CAMKMT: variants seen among roughly 807,000 people sequenced by gnomAD.
The protein encoded by CAMKMT is CaM KMT.
Under a neutral mutation model 48.0 loss-of-function variants are expected in CAMKMT, and 53 were observed. The ratio of observed to expected loss-of-function variants is 1.10; its 90% confidence interval spans 0.89 to 1.39. The LOEUF (loss-of-function observed/expected upper bound fraction) is 1.39, where lower values mean the gene tolerates loss of function less well. CAMKMT is among the 40% of genes most tolerant of loss of function. The pLI is 0.00. For synonymous variants in CAMKMT, 165 were observed against 152.3 expected, an observed-to-expected ratio of 1.08 and a Z score of -0.61; for missense variants, 428 against 402.7, an observed-to-expected ratio of 1.06 and a Z score of -0.54.
At chr2:44,757,900 C>T (rs928974834) in intron 9 of CAMKMT, among the ~76,000 whole-genome samples, 2 of 152,116 alleles carry the variant, frequency 1.3e-5, no homozygotes, top group African/African-American at 2.4e-5. Context: ...AAGCATTTTC[C>T]TGGAGAAATG....
chr2:44,383,908 C>T (rs1680512745), intron 2 of CAMKMT, among the ~76,000 whole-genome samples: 2 of 152,136 alleles, frequency 1.3e-5, no homozygotes, highest in Admixed American at 6.5e-5. Flanking sequence ...CACGATTTTG[C>T]AATTGTGAAT....
intron 1 of CAMKMT, among the ~76,000 whole-genome samples, chr2:44,367,122 A>G (rs1484159125): frequency 6.6e-6 from 1 of 152,194 alleles, no homozygotes; most frequent in Non-Finnish European, 1.5e-5. Flanking sequence ...AGATTCATAT[A>G]TAAATATAGG....
intron 3 of CAMKMT, among the ~76,000 whole-genome samples, chr2:44,574,253 G>A (rs896288396): frequency 4.6e-5 from 7 of 152,322 alleles, no homozygotes; most frequent in African/African-American, 1.7e-4. Context: ...AGGGAGCATG[G>A]CCCAGTGCCT....
chr2:44,465,660 T>A (rs1311703577), intron 3 of CAMKMT, among the ~76,000 whole-genome samples: 1 of 152,024 alleles, frequency 6.6e-6, no homozygotes, highest in African/African-American at 2.4e-5. Context: ...AATAGTAAGT[T>A]CCATGGGAAC....
intron 8 of CAMKMT, 80 bp downstream of exon 8, chr2:44,743,776 C>T (rs1310816739): frequency 3.4e-5 from 36 of 1,058,880 alleles, no homozygotes; most frequent in Admixed American, 6.5e-5. Context: ...GCTTAGCTGA[C>T]GGCTAAGCAA....
intron 3 of CAMKMT, among the ~76,000 whole-genome samples, chr2:44,496,556 C>G (rs1669761437): frequency 6.6e-6 from 1 of 152,174 alleles, no homozygotes; most frequent in African/African-American, 2.4e-5. Context: ...TACAGGCACA[C>G]AATAAATATT....
chr2:44,384,066 G>A (rs1680530178), intron 2 of CAMKMT, among the ~76,000 whole-genome samples: 1 of 152,160 alleles, frequency 6.6e-6, no homozygotes, highest in Non-Finnish European at 1.5e-5. Context: ...TTCCATAGTG[G>A]TTGTACTAGT....
At chr2:44,683,289 A>T (rs190069151) in intron 3 of CAMKMT, among the ~76,000 whole-genome samples, 7 of 152,332 alleles carry the variant, frequency 4.6e-5, no homozygotes, top group Admixed American at 4.6e-4. Context: ...CATTTCTTCA[A>T]ACACTGATAT....
intron 7 of CAMKMT, among the ~76,000 whole-genome samples, chr2:44,737,106 A>C (rs939265196): frequency 6.6e-6 from 1 of 151,940 alleles, no homozygotes; most frequent in African/African-American, 2.4e-5. Context: ...ATTTCTGTAA[A>C]TGTTTTTGAG....
At chr2:44,451,983 AAT>A (rs1341332002) in intron 3 of CAMKMT, among the ~76,000 whole-genome samples, 6 of 151,960 alleles carry the variant, frequency 3.9e-5, no homozygotes, top group Non-Finnish European at 8.8e-5. Flanking sequence ...AATACCATAT[AAT>A]ATATATTGAT....
In CAMKMT at chr2:44,387,871, G is replaced by A. The variant is rs1435675686; in HGVS notation, c.312-2370G>A. On this transcript the variant is annotated intron_variant, in intron 2 of 10. Transcript: ENST00000378494. ...TGTTTGAGAGGCCCCAGTCCCTTCC[G>A]CATTGTAGGGTTTCTGCTGAGAAAT... Among the ~76,000 whole-genome samples the A allele has an allele frequency of 4.6e-5, 7 of 152,222 alleles. No individual in the cohort carries two copies. The East Asian group carries it at 7.7e-4, about 17-fold the overall frequency.
At chr2:44,461,010 C>A (rs1341789541) in intron 3 of CAMKMT, among the ~76,000 whole-genome samples, 3 of 152,164 alleles carry the variant, frequency 2.0e-5, no homozygotes, top group African/African-American at 7.2e-5. Flanking sequence ...AGGCATGAGC[C>A]ACCATGCCTG....
intron 3 of CAMKMT, among the ~76,000 whole-genome samples, chr2:44,636,423 A>C (rs771385931): frequency 1.3e-5 from 2 of 152,188 alleles, no homozygotes; most frequent in Non-Finnish European, 2.9e-5. Flanking sequence ...AACCTCAATG[A>C]CTGAAGAGGC....
rs35364346 is a variant in CAMKMT, at chr2:44,706,613, A to AT, written c.492+288dup. ...AGTCTTTCTTTGCCATAGCGAAAGC[A>AT]TTTTTTTTTTTTTTTTCAGATTATA... On this transcript the variant is annotated intron_variant, in intron 5 of 10. Coordinates refer to ENST00000378494, the MANE Select transcript of CAMKMT (RefSeq NM_024766.5). Among the ~76,000 whole-genome samples the AT allele has an allele frequency of 6.6e-3, 897 of 136,180 alleles. 2 individuals carry two copies. Among genetic ancestry groups the AT allele is most frequent in the South Asian group, 0.022 (95 of 4,238 alleles). The allele number at this position is 136,180 out of a possible 152,430, so 89.3% of individuals were successfully genotyped here. A position where few individuals can be genotyped will look rare whatever the true frequency, so the allele number is the denominator to read the frequency against.
intron 3 of CAMKMT, among the ~76,000 whole-genome samples, chr2:44,626,780 A>G (rs1672507359): frequency 6.6e-6 from 1 of 152,194 alleles, no homozygotes; most frequent in Non-Finnish European, 1.5e-5. Flanking sequence ...TTGGGGGGAC[A>G]CAACATTCAG....
intron 6 of CAMKMT, 57 bp from the exon 7 acceptor site, chr2:44,715,230 C>T: frequency 3.7e-6 from 4 of 1,092,976 alleles, no homozygotes; most frequent in Non-Finnish European, 5.2e-6. Context: ...GTTTCTGGAC[C>T]TTTTTTTTTG....
chr2:44,756,982 T>C (rs1238237575), intron 9 of CAMKMT, among the ~76,000 whole-genome samples: 1 of 152,188 alleles, frequency 6.6e-6, no homozygotes, highest in African/African-American at 2.4e-5. Flanking sequence ...ACCCCAAGTC[T>C]ACATTAACTA....
intron 3 of CAMKMT, among the ~76,000 whole-genome samples, chr2:44,428,292 G>A (rs1245482865): frequency 6.6e-6 from 1 of 152,148 alleles, no homozygotes; most frequent in East Asian, 1.9e-4. Flanking sequence ...CCTAGAGTTC[G>A]GTCGTTCCCA....
intron 3 of CAMKMT, among the ~76,000 whole-genome samples, chr2:44,687,235 T>G (rs1676388473): frequency 6.6e-6 from 1 of 152,246 alleles, no homozygotes; most frequent in South Asian, 2.1e-4. Flanking sequence ...TCCACTGTTG[T>G]ATGCCCATTT....
Sources: gnomAD v4.1 joint callset for allele counts (sites outside exome capture counted in the v4.1 genomes callset) on GRCh38, gnomAD v4.1.1 for gene constraint, MANE v1.5 for transcripts, NCBI Gene and HGNC (gene_info 2026-07-23, HGNC 2026-07-21) for gene names.